The following LRP1B variants were observed in gnomAD, a reference collection of about 807,000 sequenced individuals.
LRP1B encodes low-density lipoprotein receptor-related protein 1B.
A neutral mutation model predicts 556.6 loss-of-function variants in LRP1B; 217 were observed. The ratio of observed to expected loss-of-function variants is 0.39; its 90% confidence interval spans 0.35 to 0.44. LRP1B has a LOEUF of 0.44. Ranked by LOEUF, LRP1B falls within the 20% of genes least tolerant of loss-of-function variation. LRP1B has a pLI of 1.00. For missense variants in LRP1B, 5,053 were observed against 5,620.8 expected, an observed-to-expected ratio of 0.90 and a Z score of 3.23; for synonymous variants, 2,047 against 1,865.8, an observed-to-expected ratio of 1.10 and a Z score of -2.50.
At chr2:142,095,509 A>G (rs1315201950) in intron 1 of LRP1B, among the ~76,000 whole-genome samples, 1 of 151,746 alleles carries the variant, frequency 6.6e-6, no homozygotes, top group East Asian at 1.9e-4. Flanking sequence ...TTAAGAAGAA[A>G]TCAATATCTA....
At chr2:141,110,052 C>T (rs1414667630) in intron 7 of LRP1B, among the ~76,000 whole-genome samples, 1 of 152,038 alleles carries the variant, frequency 6.6e-6, no homozygotes, top group Non-Finnish European at 1.5e-5. Context: ...ATAAAACATT[C>T]TTCAAACTTT....
chr2:140,601,139 A>G (rs1229370321), intron 42 of LRP1B, among the ~76,000 whole-genome samples: 1 of 150,242 alleles, frequency 6.7e-6, no homozygotes, highest in Non-Finnish European at 1.5e-5. Context: ...TTTTAAATAT[A>G]TGGTTCCAAT....
At chr2:140,908,374 AT>A in intron 21 of LRP1B, among the ~76,000 whole-genome samples, 2 of 118,906 alleles carry the variant, frequency 1.7e-5, no homozygotes, top group Non-Finnish European at 3.8e-5. Flanking sequence ...TAATATATAT[AT>A]ATATATATAT....
intron 3 of LRP1B, among the ~76,000 whole-genome samples, chr2:141,331,664 T>C (rs1356687500): frequency 6.6e-6 from 1 of 152,098 alleles, no homozygotes; most frequent in Non-Finnish European, 1.5e-5. Flanking sequence ...AATATTGTCT[T>C]AATAGGAATG....
chr2:141,810,915 T>C (rs1234227139), intron 1 of LRP1B, among the ~76,000 whole-genome samples: 1 of 152,028 alleles, frequency 6.6e-6, no homozygotes, highest in Non-Finnish European at 1.5e-5. Context: ...ATACCCAATA[T>C]CACAGTATTT....
chr2:142,056,143 T>A (rs1704662105), intron 1 of LRP1B, among the ~76,000 whole-genome samples: 1 of 152,058 alleles, frequency 6.6e-6, no homozygotes, highest in African/African-American at 2.4e-5. Context: ...AGAGTGAGAC[T>A]CTGTCTCAGA....
At chr2:140,354,907 T>A (rs1682140285) in intron 75 of LRP1B, among the ~76,000 whole-genome samples, 1 of 152,066 alleles carries the variant, frequency 6.6e-6, no homozygotes, top group Admixed American at 6.6e-5. Context: ...TTTTTTCAGA[T>A]ACATAAGTGA....
At chr2:141,344,629 GT>G (rs749493566) in intron 3 of LRP1B, among the ~76,000 whole-genome samples, 1 of 151,934 alleles carries the variant, frequency 6.6e-6, no homozygotes, top group Non-Finnish European at 1.5e-5. Context: ...TATATGTTAT[GT>G]ATTTAACTTT....
At chr2:141,749,309 T>C (rs1162792250) in intron 2 of LRP1B, among the ~76,000 whole-genome samples, 3 of 152,186 alleles carry the variant, frequency 2.0e-5, no homozygotes, top group African/African-American at 7.2e-5. Flanking sequence ...CCTATTGTCC[T>C]AGATTTATTT....
chr2:141,838,682 T>C (rs1247104381), intron 1 of LRP1B, among the ~76,000 whole-genome samples: 1 of 152,172 alleles, frequency 6.6e-6, no homozygotes, highest in Admixed American at 6.5e-5. Flanking sequence ...TTGCAACCTT[T>C]CAGGATGAAT....
At chr2:142,055,210 G>GA (rs1462407436) in intron 1 of LRP1B, among the ~76,000 whole-genome samples, 8 of 151,784 alleles carry the variant, frequency 5.3e-5, no homozygotes, top group Admixed American at 3.3e-4. Context: ...TACGTAATAT[G>GA]AAAAAAAGGA....
At chr2:141,363,639 T>G (rs1688916837) in intron 3 of LRP1B, among the ~76,000 whole-genome samples, 1 of 152,160 alleles carries the variant, frequency 6.6e-6, no homozygotes, top group Non-Finnish European at 1.5e-5. Context: ...AACTTGAATG[T>G]ATCACACTAT....
chr2:140,902,336 T>G (rs532416682), intron 23 of LRP1B, among the ~76,000 whole-genome samples: 2 of 152,210 alleles, frequency 1.3e-5, no homozygotes, highest in Admixed American at 1.3e-4. Context: ...ATGGTTAAAA[T>G]GGGCAACATT....
intron 41 of LRP1B, among the ~76,000 whole-genome samples, chr2:140,629,346 G>A (rs895692144): frequency 3.3e-5 from 5 of 152,020 alleles, no homozygotes; most frequent in African/African-American, 1.2e-4. Context: ...GGGATTACAG[G>A]TGTTAGCCAC....
At chr2:141,947,567 CTATT>C (rs1221366825) in intron 1 of LRP1B, among the ~76,000 whole-genome samples, 1 of 151,974 alleles carries the variant, frequency 6.6e-6, no homozygotes, top group African/African-American at 2.4e-5. Context: ...AAGAAAAAGA[CTATT>C]TAGGAGGGAG....
intron 1 of LRP1B, among the ~76,000 whole-genome samples, chr2:141,962,816 T>C (rs1200427683): frequency 6.6e-6 from 1 of 151,742 alleles, no homozygotes; most frequent in African/African-American, 2.4e-5. Flanking sequence ...GCCTTACACA[T>C]CATCTAGCCC....
At chr2:141,358,413 G>A (rs987845805) in intron 3 of LRP1B, among the ~76,000 whole-genome samples, 3 of 152,202 alleles carry the variant, frequency 2.0e-5, no homozygotes, top group Admixed American at 2.0e-4. Flanking sequence ...ACTGTGAAGG[G>A]TCAGTTATCT....
At chr2:140,604,426 T>C (rs1053349635) in intron 41 of LRP1B, among the ~76,000 whole-genome samples, 3 of 152,032 alleles carry the variant, frequency 2.0e-5, no homozygotes, top group African/African-American at 7.3e-5. Context: ...TCCATAGCCA[T>C]GATAGGGAAA....
intron 45 of LRP1B, among the ~76,000 whole-genome samples, chr2:140,539,550 A>T (rs758729170): frequency 1.8e-4 from 27 of 152,108 alleles, no homozygotes; most frequent in Non-Finnish European, 3.5e-4. Flanking sequence ...GGACAGTTGT[A>T]TTGAAGGTAT....
Sources: allele counts gnomAD v4.1 joint callset (sites outside exome capture counted in the v4.1 genomes callset), GRCh38; gene constraint gnomAD v4.1.1; transcripts MANE v1.5; gene names NCBI Gene and HGNC (gene_info 2026-07-23, HGNC 2026-07-21).